C1orf167: variants seen among roughly 807,000 people sequenced by gnomAD.
C1orf167 encodes uncharacterized protein C1orf167.
A neutral mutation model predicts 176.5 loss-of-function variants in C1orf167; 153 were observed. That is an observed-to-expected ratio of 0.87 (90% CI 0.76 to 0.99). C1orf167 has a LOEUF of 0.99. Among genes scored for constraint, C1orf167 ranks in the 50% least tolerant of loss-of-function variants. The probability of loss-of-function intolerance (pLI) is 0.00; values close to 1 mark genes in which losing one functional copy is unlikely to be tolerated. For synonymous variants in C1orf167, 594 were observed against 752.7 expected, an observed-to-expected ratio of 0.79 and a Z score of 3.45; for missense variants, 1,490 against 1,817.7, an observed-to-expected ratio of 0.82 and a Z score of 3.28.
chr1:11,774,878 G>A lies in C1orf167; in HGVS notation c.1989-557G>A, dbSNP rs1483758262. Among the ~76,000 whole-genome samples, 3 of 152,304 alleles carry A rather than the reference G, an allele frequency of 2.0e-5. No homozygotes were observed. The East Asian group carries it at 5.8e-4, about 29-fold the overall frequency. The stretch of plus-strand genomic sequence containing the variant: ...TGGAGGAGGCCGAAAGTGGATGCAG[G>A]GAGGCCAGGTCAGAGGCTGCTGAGG... On this transcript the variant is annotated intron_variant, in intron 8 of 20. Transcript: ENST00000688073.
At chr1:11,774,380 C>T (rs1261499865) in intron 8 of C1orf167, among the ~76,000 whole-genome samples, 1 of 152,178 alleles carries the variant, frequency 6.6e-6, no homozygotes, top group African/African-American at 2.4e-5. Context: ...GGCTCCCCTT[C>T]ATTTTTTTGA....
intron 6 of C1orf167, among the ~76,000 whole-genome samples, chr1:11,770,476 C>T (rs550532800): frequency 8.1e-4 from 116 of 143,534 alleles, no homozygotes; most frequent in African/African-American, 2.8e-3. Flanking sequence ...GTCAGAGTAT[C>T]GCTCTGTTGC....
At chr1:11,781,498 G>T (rs1221438985) in intron 13 of C1orf167, among the ~76,000 whole-genome samples, 1 of 152,178 alleles carries the variant, frequency 6.6e-6, no homozygotes, top group Non-Finnish European at 1.5e-5. Context: ...GGGCTGTGGT[G>T]GTTCTAGAAA....
intron 2 of C1orf167, 37 bp downstream of exon 2, chr1:11,764,507 G>T: frequency 7.8e-7 from 1 of 1,283,818 alleles, no homozygotes; most frequent in Non-Finnish European, 1.0e-6. Flanking sequence ...GCAGTTACAG[G>T]AGCAGGGCCC....
In C1orf167 at chr1:11,784,232, C is replaced by G; in HGVS notation, c.3064C>G (p.Gln1022Glu). ...CACGGGGGTGCTCCGGGCCCAGCAT[C>G]AAGCCTTTCAGGATGGCCTGAGGAG... The part of the protein sequence containing the change: ...RDTGVLRAQH[Q>E]AFQDGLRRRA... Residue 1022 changes from glutamine (Q) to glutamate (E), a missense_variant, in exon 15 of 21, where the codon CAA (glutamine) becomes GAA (glutamate). Physicochemically the swap from Gln to Glu is conservative, Grantham distance 29. Coordinates refer to ENST00000688073, the MANE Select transcript of C1orf167 (RefSeq NM_001010881.2). The G allele has an allele frequency of 7.8e-7, 1 of 1,290,262 alleles. No homozygotes were observed. Among genetic ancestry groups the G allele is most frequent in the Non-Finnish European group, 1.0e-6 (1 of 981,454 alleles). 79.9% of individuals were successfully genotyped at this position (1,290,262 alleles called of 1,614,324 possible).
intron 12 of C1orf167, 99 bp downstream of exon 12, chr1:11,779,179 G>A: frequency 9.0e-7 from 1 of 1,117,264 alleles, no homozygotes; most frequent in South Asian, 1.6e-5. Context: ...AGCCCCTTGG[G>A]GTCTGCACCT....
At chr1:11,778,583 T>C in intron 10 of C1orf167, 77 bp from the exon 11 acceptor site, 1 of 1,176,806 alleles carries the variant, frequency 8.5e-7, no homozygotes, top group Non-Finnish European at 1.1e-6. Flanking sequence ...GCGGCCAGGG[T>C]AGGGTAGCCC....
Position 11,768,193 on chromosome 1 carries a change from A to G in C1orf167, c.1460A>G (p.Gln487Arg). ...TGGCAGCTGTTGCGAAAGTGCCTTC[A>G]GGCCTTGTGGCTCCGGGAGGCTCAG... Reference protein sequence around the residue: ...GRWQLLRKCLQALWLREAQLE... With the variant: ...GRWQLLRKCLRALWLREAQLE... The change falls in exon 5 of 21, where the codon CAG becomes CGG. Residue 487 changes from glutamine (Q) to arginine (R), a missense_variant. Gln to Arg is a conservative substitution (Grantham distance 43). Transcript: ENST00000688073. The surrounding 1 kb of genome is among the most constrained non-coding windows in gnomAD (Gnocchi z 4.5). 1.6e-6 allele frequency: 2 copies of G among 1,289,746 alleles called. No individual in the cohort carries two copies. The highest frequency in any genetic ancestry group is 2.0e-6 in the Non-Finnish European group (2 of 988,744). 79.9% of individuals were successfully genotyped at this position (1,289,746 alleles called of 1,614,324 possible). A position where few individuals can be genotyped will look rare whatever the true frequency, so the allele number is the denominator to read the frequency against.
At chr1:11,779,745 C>G (rs1281780506) in intron 12 of C1orf167, 57 bp from the exon 13 acceptor site, 1 of 1,219,132 alleles carries the variant, frequency 8.2e-7, no homozygotes, top group African/African-American at 1.6e-5. Flanking sequence ...TGGGGCAGGG[C>G]TGGCCTGGGA....
At chr1:11,763,739 G>A (rs948331664) in intron 1 of C1orf167, among the ~76,000 whole-genome samples, 8 of 152,290 alleles carry the variant, frequency 5.3e-5, no homozygotes, top group Admixed American at 2.0e-4. Context: ...GGAGGCTGTC[G>A]GGCGTGAGGA....
Position 11,771,369 on chromosome 1 carries a change from C to T in C1orf167, c.1698-155C>T, listed in dbSNP as rs548600596. Among the ~76,000 whole-genome samples the T allele has an allele frequency of 4.0e-5, 6 of 151,826 alleles. No homozygotes were observed. In the East Asian group the frequency reaches 7.7e-4, roughly 20 times the overall value. ...TCCCCCCAGCAATAGCTTTTAAATC[C>T]GACATAAAATAAACTGTCCAGAAGA... On this transcript the variant is annotated intron_variant, in intron 6 of 20. Transcript: ENST00000688073.
intron 14 of C1orf167, among the ~76,000 whole-genome samples, chr1:11,783,402 C>G (rs1643682967): frequency 6.6e-6 from 1 of 152,114 alleles, no homozygotes. Context: ...CATGTGGCAC[C>G]ACACCTGGCT....
intron 1 of C1orf167, among the ~76,000 whole-genome samples, chr1:11,763,158 G>T (rs935277514): frequency 6.6e-6 from 1 of 152,182 alleles, no homozygotes; most frequent in Non-Finnish European, 1.5e-5. Flanking sequence ...GACTTTGCGG[G>T]GCTGGGTGTG....
At position 11,766,636 on chromosome 1, in the gene C1orf167, C is replaced by A; in HGVS notation, c.850C>A (p.Pro284Thr). 3.9e-6 allele frequency: 5 copies of A among 1,287,740 alleles called. No homozygotes were observed. The highest frequency in any genetic ancestry group is 5.1e-6 in the Non-Finnish European group (5 of 987,618). 79.8% of individuals were successfully genotyped at this position (1,287,740 alleles called of 1,614,324 possible). Residue 284 changes from proline (P) to threonine (T), a missense_variant, in exon 3 of 21, where the codon CCC (proline) becomes ACC (threonine). Coordinates refer to ENST00000688073, the MANE Select transcript of C1orf167 (RefSeq NM_001010881.2). This position sits in a 1 kb window ranked among gnomAD's most constrained non-coding sequence, Gnocchi z 4.5. ...GGQPFSAHPQ[P>T]SQPVLASSDG... ...CCAGCCATTCTCCGCCCACCCCCAG[C>A]CCAGCCAGCCTGTCCTTGCTTCCTC...
At chr1:11,765,785 A>G in intron 2 of C1orf167, 72 bp from the exon 3 acceptor site, 3 of 1,157,822 alleles carry the variant, frequency 2.6e-6, no homozygotes, top group South Asian at 3.4e-5. Context: ...CCTGGCTCCG[A>G]GGCCTGGAGA....
Position 11,779,821 on chromosome 1 carries a change from C to T in C1orf167, c.2671C>T (p.Arg891Cys), listed in dbSNP as rs745937083. Residue 891 changes from arginine to cysteine, a missense_variant, in exon 13 of 21, where the codon CGC (arginine) becomes TGC (cysteine). By Grantham distance (180) the Arg-to-Cys change is radical (BLOSUM62 -3). Transcript: ENST00000688073. ...TCCCAGCATCTTCCTCAGCTGGAGC[C>T]GCTGGGCAACAGCCCAATGGGCCTG... ...RQRRIFLSWS[R>C]WATAQWAWRE... 3.1e-5 allele frequency: 40 copies of T among 1,302,066 alleles called. No homozygotes were observed. The highest frequency in any genetic ancestry group is 2.7e-4 in the Middle Eastern group (1 of 3,764). The allele number at this position is 1,302,066 out of a possible 1,614,324, so 80.7% of individuals were successfully genotyped here. A position where few individuals can be genotyped will look rare whatever the true frequency, so the allele number is the denominator to read the frequency against.
rs1380104907 is a variant in C1orf167 at position 11,789,440 on chromosome 1, G to C, written c.4344G>C (p.Gln1448His). 2 of 1,303,548 alleles carry C rather than the reference G, an allele frequency of 1.5e-6. No individual in the cohort carries two copies. The highest frequency in any genetic ancestry group is 5.5e-5 in the East Asian group (1 of 18,038). The allele number at this position is 1,303,548 out of a possible 1,614,324, so 80.7% of individuals were successfully genotyped here. A position where few individuals can be genotyped will look rare whatever the true frequency, so the allele number is the denominator to read the frequency against. The change falls in exon 21 of 21, where the codon CAG (glutamine) becomes CAC (histidine). Residue 1448 changes from glutamine to histidine, a missense_variant. By Grantham distance (24) the Gln-to-His change is conservative. Coordinates refer to ENST00000688073, the MANE Select transcript of C1orf167 (RefSeq NM_001010881.2). ...GLGAEHGAQL[Q>H]L ...GGGCAGAGCATGGGGCCCAGCTGCA[G>C]CTGTGACTTGTTCTCATAGAATAAA...
intron 13 of C1orf167, among the ~76,000 whole-genome samples, chr1:11,780,379 C>A (rs1643538577): frequency 6.6e-6 from 1 of 152,160 alleles, no homozygotes; most frequent in South Asian, 2.1e-4. Context: ...CCAAGAGGGA[C>A]AGTGACTCTG....
intron 20 of C1orf167, 25 bp from the exon 21 acceptor site, chr1:11,789,245 C>T (rs1164255665): frequency 7.7e-7 from 1 of 1,302,256 alleles, no homozygotes; most frequent in Non-Finnish European, 1.0e-6. Flanking sequence ...ACAACAATAG[C>T]ATTTCCTCTC....
Sources: gnomAD v4.1 joint callset for allele counts (sites outside exome capture counted in the v4.1 genomes callset) on GRCh38, gnomAD v4.1.1 for gene constraint, Gnocchi (gnomAD v3.1) non-coding constraint, MANE v1.5 for transcripts, NCBI Gene and HGNC (gene_info 2026-07-23, HGNC 2026-07-21) for gene names.